Variants in CHD9 observed in about 807,000 individuals in gnomAD.
CHD9 encodes the protein ATP-dependent chromatin remodeler CHD9.
A neutral mutation model predicts 316.1 loss-of-function variants in CHD9; 77 were observed. The ratio of observed to expected loss-of-function variants is 0.24; its 90% CI spans 0.20 to 0.29. The LOEUF (loss-of-function observed/expected upper bound fraction) is 0.29. Among genes scored for constraint, CHD9 ranks in the 10% least tolerant of loss-of-function variants. CHD9 has a pLI of 1.00. For missense variants in CHD9, 2,763 were observed against 3,438.1 expected (o/e 0.80, Z 4.91); for synonymous variants, 1,129 against 1,158.3 (o/e 0.97, Z 0.51).
At chr16:53,216,124 C>G (rs1391148918) in intron 3 of CHD9, among the ~76,000 whole-genome samples, 1 of 152,030 alleles carries the variant, frequency 6.6e-6, no homozygotes, top group African/African-American at 2.4e-5. Context: ...GGGGATATTT[C>G]TCCTTAGACT....
In CHD9 at chr16:53,261,796, G is replaced by T. The variant is rs145196273; in HGVS notation, c.4210-1191G>T. On this transcript the variant is annotated intron_variant, in intron 19 of 38. Coordinates refer to ENST00000447540, the MANE Select transcript of CHD9 (RefSeq NM_001308319.2). ...TCATACTGTTTCGAAGCAAATCCCA[G>T]ATATAATCACCACCTTTACATGTTT... Among the ~76,000 whole-genome samples, 110 of 152,138 alleles carry T rather than the reference G, an allele frequency of 7.2e-4. 1 individual carries two copies. The East Asian group carries it at 0.016, about 22-fold the overall frequency.
chr16:53,122,441 A>G (rs1345361179), intron 1 of CHD9, among the ~76,000 whole-genome samples: 1 of 152,186 alleles, frequency 6.6e-6, no homozygotes, highest in Non-Finnish European at 1.5e-5. Flanking sequence ...ATATAATTAA[A>G]ATATTATCTT....
Position 53,304,293 on chromosome 16 carries a change from GA to G in CHD9, c.6291del (p.Lys2097AsnfsTer16). ...GCTACTGGAGACCAGAAATCTGGTG[GA>G]AAATGTGAAACAGACAGACGCATGG... is the stretch of plus-strand genomic sequence containing the variant. ...PQATGDQKSG[G>X]KCETDRRMVA... On this transcript the variant is annotated frameshift_variant, in exon 31 of 39. Coordinates refer to ENST00000447540, the MANE Select transcript of CHD9 (RefSeq NM_001308319.2). LOFTEE classifies it high-confidence loss of function. 1 of 1,611,638 alleles carries G rather than the reference GA, an allele frequency of 6.2e-7. No homozygotes were observed.
rs547740221 is a variant in CHD9, at chr16:53,074,357, AG to A, written c.-165+19281del. ...TTGCAGCCTGACAATGCAATAGAAA[AG>A]CAAATCCCATTTTCTGAGGAGACAT... On this transcript the variant is annotated intron_variant, in intron 1 of 38. Transcript: ENST00000447540. Among the ~76,000 whole-genome samples, 35 of 152,342 alleles carry A rather than the reference AG, an allele frequency of 2.3e-4. No homozygotes were observed. The South Asian group carries it at 5.6e-3, about 24-fold the overall frequency.
chr16:53,322,553 C>A (rs1567691196), intron 38 of CHD9, among the ~76,000 whole-genome samples: 1 of 151,022 alleles, frequency 6.6e-6, no homozygotes, highest in Non-Finnish European at 1.5e-5. Context: ...GATCGCACCA[C>A]TGCACTCCAG....
At chr16:53,252,896 CAGA>C (rs1348042373) in intron 17 of CHD9, among the ~76,000 whole-genome samples, 1 of 152,058 alleles carries the variant, frequency 6.6e-6, no homozygotes, top group African/African-American at 2.4e-5. Context: ...AATCGAAAAA[CAGA>C]AGATGTTGGC....
At chr16:53,068,417 A>C (rs2033717497) in intron 1 of CHD9, among the ~76,000 whole-genome samples, 1 of 152,164 alleles carries the variant, frequency 6.6e-6, no homozygotes. Flanking sequence ...CCGATCCAGC[A>C]TTCTCTCCCA....
At chr16:53,164,238 T>C (rs1567405996) in intron 2 of CHD9, among the ~76,000 whole-genome samples, 1 of 152,190 alleles carries the variant, frequency 6.6e-6, no homozygotes, top group Non-Finnish European at 1.5e-5. Context: ...ATCGTTTATC[T>C]ATTAGCAGAG....
At chr16:53,272,481 T>C (rs1370575354) in intron 22 of CHD9, among the ~76,000 whole-genome samples, 4 of 151,952 alleles carry the variant, frequency 2.6e-5, no homozygotes, top group African/African-American at 9.7e-5. Flanking sequence ...GGTACAAGAA[T>C]TGCAAGAGGA....
chr16:53,286,735 G>T (rs1478044990), intron 26 of CHD9, among the ~76,000 whole-genome samples: 3 of 152,100 alleles, frequency 2.0e-5, no homozygotes, highest in Non-Finnish European at 4.4e-5. Context: ...AGGACACCCT[G>T]CAGATACCAA....
intron 1 of CHD9, among the ~76,000 whole-genome samples, chr16:53,147,275 ACAGTATATTGAG>A (rs1307381433): frequency 6.6e-6 from 1 of 152,236 alleles, no homozygotes; most frequent in Non-Finnish European, 1.5e-5. Context: ...TAATGAAGGA[ACAGTATATTGAG>A]CAGAGGGAAC....
intron 2 of CHD9, among the ~76,000 whole-genome samples, chr16:53,180,542 G>A (rs1450588916): frequency 6.6e-6 from 1 of 152,118 alleles, no homozygotes; most frequent in Non-Finnish European, 1.5e-5. Context: ...TTTAAGAAGA[G>A]ACTTATTGAA....
At chr16:53,085,233 T>A (rs981369356) in intron 1 of CHD9, among the ~76,000 whole-genome samples, 2 of 151,542 alleles carry the variant, frequency 1.3e-5, no homozygotes, top group African/African-American at 4.9e-5. Flanking sequence ...ATCATCTTTT[T>A]TTTTTTTTTT....
At chr16:53,202,407 T>TTTC (rs1213645855) in intron 2 of CHD9, among the ~76,000 whole-genome samples, 11 of 152,054 alleles carry the variant, frequency 7.2e-5, no homozygotes, top group Non-Finnish European at 1.0e-4. Flanking sequence ...TTTTTTTTTT[T>TTTC]TTCTGTTTTG....
At chr16:53,219,787 G>T (rs2047082858) in intron 3 of CHD9, among the ~76,000 whole-genome samples, 1 of 152,244 alleles carries the variant, frequency 6.6e-6, no homozygotes, top group East Asian at 1.9e-4. Context: ...ACTTCTCTAG[G>T]CCTCAATTTC....
chr16:53,113,516 T>C (rs952730759), intron 1 of CHD9, among the ~76,000 whole-genome samples: 11 of 151,848 alleles, frequency 7.2e-5, no homozygotes, highest in African/African-American at 2.7e-4. Flanking sequence ...TTTCACCATG[T>C]TGGCCAGGAT....
chr16:53,174,987 T>C (rs2043006162), intron 2 of CHD9, among the ~76,000 whole-genome samples: 1 of 152,206 alleles, frequency 6.6e-6, no homozygotes, highest in South Asian at 2.1e-4. Flanking sequence ...TGAAATACAC[T>C]TTTAAGCTTT....
chr16:53,079,021 G>A (rs971205806), intron 1 of CHD9, among the ~76,000 whole-genome samples: 3 of 152,180 alleles, frequency 2.0e-5, no homozygotes, highest in South Asian at 2.1e-4. Context: ...CCACTCTGCA[G>A]CTCCTGGGAA....
At chr16:53,243,266 A>G (rs17303177) in intron 13 of CHD9, among the ~76,000 whole-genome samples, 34,878 of 152,056 alleles carry the variant, frequency 0.23, 4,497 homozygotes, top group Middle Eastern at 0.32. Context: ...TGAGACCTCT[A>G]TAGAGTATGT....
Sources: gnomAD v4.1 joint callset for allele counts (sites outside exome capture counted in the v4.1 genomes callset) on GRCh38, gnomAD v4.1.1 for gene constraint, MANE v1.5 for transcripts, NCBI Gene and HGNC (gene_info 2026-07-23, HGNC 2026-07-21) for gene names.